WDR41: variants seen among roughly 807,000 people sequenced by gnomAD.
WDR41 encodes the protein WD repeat-containing protein 41.
WDR41 carries 63 observed loss-of-function variants against 69.3 expected under a neutral mutation model. The observed-to-expected ratio is 0.91, with a 90% CI of 0.74 to 1.12. WDR41 has a LOEUF of 1.12. Among genes scored for constraint, WDR41 ranks in the 50% most tolerant of loss-of-function variants. The pLI is 0.00. For synonymous variants in WDR41, 185 were observed against 192.1 expected, an observed-to-expected ratio of 0.96 and a Z score of 0.31; for missense variants, 543 against 534.5, an observed-to-expected ratio of 1.02 and a Z score of -0.16.
At chr5:77,482,003 C>A (rs1175658956) in intron 2 of WDR41, among the ~76,000 whole-genome samples, 1 of 152,130 alleles carries the variant, frequency 6.6e-6, no homozygotes, top group South Asian at 2.1e-4. Context: ...GGCATAAATA[C>A]CTTTTAAATT....
At chr5:77,600,988 A>C (rs1744315077) in intron 1 of WDR41, among the ~76,000 whole-genome samples, 1 of 149,028 alleles carries the variant, frequency 6.7e-6, no homozygotes, top group Non-Finnish European at 1.5e-5. Flanking sequence ...GTGTGTATCT[A>C]GTCATCATCT....
intron 2 of WDR41, among the ~76,000 whole-genome samples, chr5:77,476,930 T>A (rs1311961515): frequency 1.4e-5 from 2 of 142,984 alleles, no homozygotes; most frequent in Admixed American, 7.0e-5. Context: ...AGGAAATCCA[T>A]CTCACGTGCA....
At chr5:77,483,500 G>A (rs914538347) in intron 2 of WDR41, among the ~76,000 whole-genome samples, 20 of 146,680 alleles carry the variant, frequency 1.4e-4, no homozygotes, top group Non-Finnish European at 1.7e-4. Context: ...GTGTGTGTGT[G>A]TGTGTGTGTG....
chr5:77,498,810 C>A, intron 1 of WDR41, among the ~76,000 whole-genome samples: 1 of 146,044 alleles, frequency 6.8e-6, no homozygotes, highest in South Asian at 2.2e-4. Flanking sequence ...CAGAGTAAGA[C>A]CCCATCAAAA....
At chr5:77,471,505 A>T (rs1800608108) in intron 2 of WDR41, among the ~76,000 whole-genome samples, 1 of 152,206 alleles carries the variant, frequency 6.6e-6, no homozygotes, top group Non-Finnish European at 1.5e-5. Flanking sequence ...TTTTGAAAAG[A>T]TCAACAAAAT....
At chr5:77,458,447 C>T (rs1004681818) in intron 5 of WDR41, among the ~76,000 whole-genome samples, 1 of 152,104 alleles carries the variant, frequency 6.6e-6, no homozygotes, top group East Asian at 1.9e-4. Context: ...CCAAAACTTG[C>T]TTACATTACT....
intron 8 of WDR41, among the ~76,000 whole-genome samples, chr5:77,445,731 A>G (rs1256843594): frequency 2.0e-5 from 3 of 152,238 alleles, no homozygotes; most frequent in Non-Finnish European, 4.4e-5. Flanking sequence ...ACATCCTTTC[A>G]TATTAAAAAT....
intron 2 of WDR41, among the ~76,000 whole-genome samples, chr5:77,488,034 T>C (rs1007027006): frequency 6.6e-5 from 10 of 152,196 alleles, no homozygotes; most frequent in Non-Finnish European, 5.9e-5. Context: ...AATTTGTATC[T>C]TTTATAATAA....
Position 77,545,583 on chromosome 5 carries a change from C to A in WDR41, c.43-56011G>T, listed in dbSNP as rs1265916074. On this transcript the variant is annotated intron_variant, in intron 1 of 5. Coordinates refer to the WDR41 transcript ENST00000509971. Reference sequence around the variant, plus strand: ...CCATCACCAAGCTGGGCCGTCTGGTCAAGGACATGAAGATGAAATCCCTGG... The same window carrying A: ...CCATCACCAAGCTGGGCCGTCTGGTAAAGGACATGAAGATGAAATCCCTGG... 3 of 309,284 alleles carry A rather than the reference C, an allele frequency of 9.7e-6. No homozygotes were observed. In the South Asian group the frequency reaches 1.4e-4, roughly 15 times the overall value. The allele number at this position is 309,284 out of a possible 1,614,324, so 19.2% of individuals were successfully genotyped here. A position where few individuals can be genotyped will look rare whatever the true frequency, so the allele number is the denominator to read the frequency against.
At chr5:77,438,387 C>A in intron 9 of WDR41, 26 bp from the exon 10 acceptor site, 4 of 1,612,524 alleles carry the variant, frequency 2.5e-6, no homozygotes, top group Non-Finnish European at 3.4e-6. Context: ...CAGAAATGGG[C>A]ATAAAACTAG....
chr5:77,551,980 AAAAATAAAAT>A (rs57749416), intron 1 of WDR41, among the ~76,000 whole-genome samples: 9,457 of 93,260 alleles, frequency 0.1, 650 homozygotes, highest in Non-Finnish European at 0.12. Context: ...CTCTGTCTCA[AAAAATAAAAT>A]AAAATAAAAT....
intron 1 of WDR41, among the ~76,000 whole-genome samples, chr5:77,611,464 C>A (rs1480910908): frequency 3.3e-5 from 5 of 152,096 alleles, no homozygotes; most frequent in African/African-American, 1.2e-4. Context: ...GTCTCTCAGA[C>A]CACAGTGCAA....
intron 1 of WDR41, among the ~76,000 whole-genome samples, chr5:77,542,835 T>C (rs1391429389): frequency 1.3e-5 from 2 of 152,194 alleles, no homozygotes; most frequent in Admixed American, 1.3e-4. Flanking sequence ...TGCTCCAGAA[T>C]GACTGCAGGA....
chr5:77,561,772 T>C (rs568655547), intron 1 of WDR41, among the ~76,000 whole-genome samples: 8 of 152,292 alleles, frequency 5.3e-5, no homozygotes, highest in South Asian at 2.1e-4. Context: ...ATGAAAACTA[T>C]TTTTATATAA....
At chr5:77,541,899 A>G (rs1016680187) in intron 1 of WDR41, among the ~76,000 whole-genome samples, 1 of 152,146 alleles carries the variant, frequency 6.6e-6, no homozygotes, top group Non-Finnish European at 1.5e-5. Flanking sequence ...ATACCATTCA[A>G]CTCAGCAATC....
At chr5:77,449,644 T>A in intron 8 of WDR41, 116 bp downstream of exon 8, 1 of 686,122 alleles carries the variant, frequency 1.5e-6, no homozygotes. Flanking sequence ...AGAATGACAA[T>A]CCCATTATTT....
intron 2 of WDR41, among the ~76,000 whole-genome samples, chr5:77,466,457 A>T (rs1800309910): frequency 6.6e-6 from 1 of 151,916 alleles, no homozygotes; most frequent in African/African-American, 2.4e-5. Context: ...GGTATAAAAC[A>T]TCAATTTCTA....
chr5:77,532,189 T>C (rs1031502212), intron 1 of WDR41, among the ~76,000 whole-genome samples: 2 of 151,996 alleles, frequency 1.3e-5, no homozygotes, highest in Admixed American at 6.6e-5. Context: ...CTAAAAGAAG[T>C]TAATGATAGA....
At chr5:77,502,805 C>T (rs1802040503) in intron 1 of WDR41, among the ~76,000 whole-genome samples, 1 of 152,178 alleles carries the variant, frequency 6.6e-6, no homozygotes, top group Non-Finnish European at 1.5e-5. Flanking sequence ...CCCTTACAGA[C>T]AGGCAAATGC....
Sources: allele counts gnomAD v4.1 joint callset (sites outside exome capture counted in the v4.1 genomes callset), GRCh38; gene constraint gnomAD v4.1.1; transcripts MANE v1.5; gene names NCBI Gene and HGNC (gene_info 2026-07-23, HGNC 2026-07-21).